The following FBXO47 variants were observed in gnomAD, a reference collection of about 807,000 sequenced individuals.
FBXO47 encodes F-box protein 47.
Under a neutral mutation model 53.9 loss-of-function variants are expected in FBXO47, and 34 were observed. The ratio of observed to expected loss-of-function variants is 0.63; its 90% CI spans 0.48 to 0.84. The LOEUF is 0.84. Ranked by LOEUF, FBXO47 falls within the 40% of genes least tolerant of loss-of-function variation. FBXO47 has a pLI of 0.00. For missense variants in FBXO47, 485 were observed against 541.3 expected (o/e 0.90, Z 1.03); for synonymous variants, 165 against 181.6 (o/e 0.91, Z 0.73).
intron 9 of FBXO47, among the ~76,000 whole-genome samples, chr17:38,941,642 ATATG>A (rs1555560024): frequency 2.1e-5 from 3 of 144,232 alleles, no homozygotes; most frequent in African/African-American, 7.7e-5. Context: ...ATATATATAT[ATATG>A]TATGTGTATA....
rs1567717766 is a variant in FBXO47 at position 38,947,116 on chromosome 17, AT to A, written c.617-1981del. Among the ~76,000 whole-genome samples the A allele has an allele frequency of 1.8e-3, 252 of 141,760 alleles. 1 individual carries two copies. The highest frequency in any genetic ancestry group is 7.1e-3 in the Middle Eastern group (2 of 280). 93.0% of individuals were successfully genotyped at this position (141,760 alleles called of 152,430 possible). On this transcript the variant is annotated intron_variant, in intron 6 of 10. Transcript: ENST00000378079. ...TAAACATATATATAAACATATATAT[AT>A]AAACATATATATAAATATATATATA...
At chr17:38,955,244 C>T (rs1267417055) in intron 4 of FBXO47, among the ~76,000 whole-genome samples, 9 of 151,532 alleles carry the variant, frequency 5.9e-5, no homozygotes, top group Non-Finnish European at 1.5e-5. Flanking sequence ...AAAAATTAGC[C>T]GGGTGTGGTG....
chr17:38,967,031 T>G (rs1417695368), intron 1 of FBXO47, among the ~76,000 whole-genome samples, 198 bp downstream of exon 1: 2 of 151,816 alleles, frequency 1.3e-5, no homozygotes, highest in Middle Eastern at 3.4e-3. Context: ...TGTTTTAACA[T>G]AAAACTCTTG....
chr17:38,961,959 T>A lies in FBXO47; in HGVS notation c.270A>T (p.Arg90Ser). 6.2e-7 allele frequency: 1 copy of A among 1,613,850 alleles called. No individual in the cohort carries two copies. The highest frequency in any genetic ancestry group is 8.5e-7 in the Non-Finnish European group (1 of 1,179,774). Residue 90 changes from arginine (R) to serine (S), a missense_variant, in exon 3 of 11, where the codon AGA (arginine) becomes AGT (serine). Arg to Ser is a moderately radical substitution (Grantham distance 110). Coordinates refer to ENST00000378079, the MANE Select transcript of FBXO47 (RefSeq NM_001008777.3). ...GGTTATGAAAGTCCTGTAGTAAAAG[T>A]CTTTTGCTTCCTGATGAGGTTGAGA... ...NYISTSSGSKRLLLQDFHNLE... is the reference protein window; with the variant it reads ...NYISTSSGSKSLLLQDFHNLE...
intron 1 of FBXO47, among the ~76,000 whole-genome samples, chr17:38,963,787 T>C (rs1198877468): frequency 6.8e-6 from 1 of 147,906 alleles, no homozygotes; most frequent in Non-Finnish European, 1.5e-5. Flanking sequence ...TTGTTGTTGT[T>C]GTTGTTGTTT....
intron 1 of FBXO47, among the ~76,000 whole-genome samples, chr17:38,964,352 T>G (rs912569926): frequency 1.5e-4 from 23 of 152,026 alleles, no homozygotes; most frequent in African/African-American, 4.3e-4. Flanking sequence ...TCCCAGCACT[T>G]TGGGAAGCCA....
intron 4 of FBXO47, among the ~76,000 whole-genome samples, chr17:38,955,584 C>G (rs1252724799): frequency 6.6e-6 from 1 of 151,658 alleles, no homozygotes; most frequent in African/African-American, 2.4e-5. Flanking sequence ...GCTGGAATTA[C>G]AGACACCACC....
chr17:38,937,116 T>C lies in FBXO47; in HGVS notation c.*59A>G. On this transcript the variant is annotated 3_prime_UTR_variant, in exon 11 of 11. Transcript: ENST00000378079. ...GGATGCTATTTTTTGAGTGAAAAAGTAGCACTCCTCTAATCATTCGTTCAG... is the reference window on the plus strand; with the variant it reads ...GGATGCTATTTTTTGAGTGAAAAAGCAGCACTCCTCTAATCATTCGTTCAG... 3.1e-6 allele frequency: 2 copies of C among 654,968 alleles called. No homozygotes were observed. Among genetic ancestry groups the C allele is most frequent in the East Asian group, 5.9e-5 (2 of 33,912 alleles). 40.6% of individuals were successfully genotyped at this position (654,968 alleles called of 1,614,324 possible).
At chr17:38,949,062 A>G (rs1905074370) in intron 6 of FBXO47, among the ~76,000 whole-genome samples, 1 of 151,978 alleles carries the variant, frequency 6.6e-6, no homozygotes, top group South Asian at 2.1e-4. Context: ...TTATCTATTG[A>G]CCCATTGATG....
intron 5 of FBXO47, among the ~76,000 whole-genome samples, chr17:38,954,090 C>T (rs991952283): frequency 2.6e-5 from 4 of 151,848 alleles, no homozygotes; most frequent in South Asian, 4.2e-4. Context: ...GTCAGGAGTT[C>T]GAGACCAGCC....
intron 6 of FBXO47, among the ~76,000 whole-genome samples, chr17:38,946,885 T>C (rs1463549256): frequency 1.8e-5 from 2 of 109,506 alleles, no homozygotes; most frequent in Non-Finnish European, 3.4e-5. Context: ...TATATATAAA[T>C]ATATATATAA....
chr17:38,945,923 G>A (rs1449358237), intron 6 of FBXO47, among the ~76,000 whole-genome samples: 108 of 115,450 alleles, frequency 9.4e-4, no homozygotes, highest in African/African-American at 3.0e-3. Flanking sequence ...GTGACAGAGC[G>A]AGACTCTGGC....
intron 9 of FBXO47, among the ~76,000 whole-genome samples, chr17:38,939,312 AAAAAAAAAAAAAT>A (rs1904387359): frequency 7.7e-6 from 1 of 129,550 alleles, no homozygotes; most frequent in African/African-American, 3.0e-5. Context: ...AAAAAAAAAA[AAAAAAAAAAAAAT>A]ATATATATAT....
At chr17:38,946,313 TAAATATATATAAATATATA>T (rs1904814856) in intron 6 of FBXO47, among the ~76,000 whole-genome samples, 4 of 47,830 alleles carry the variant, frequency 8.4e-5, no homozygotes, top group Non-Finnish European at 1.2e-4. Flanking sequence ...TATAAATATA[TAAATATATATAAATATATA>T]AATATATATA....
At chr17:38,962,116 C>T in intron 2 of FBXO47, 69 bp from the exon 3 acceptor site, 1 of 1,232,218 alleles carries the variant, frequency 8.1e-7, no homozygotes. Flanking sequence ...TTAACACAGT[C>T]TATTAACTTA....
Position 38,959,964 on chromosome 17 carries a change from C to T in FBXO47, c.352+1913G>A, listed in dbSNP as rs190888283. Among the ~76,000 whole-genome samples, 378 of 151,788 alleles carry T rather than the reference C, an allele frequency of 2.5e-3. 1 individual carries two copies. The highest frequency in any genetic ancestry group is 3.5e-3 in the Non-Finnish European group (240 of 67,938). ...TTCAGCTTTCAGCTGGGCCGCCATGCCCAGATAATTTTTTAATTTTTTGTA... is the reference window on the plus strand; with the variant it reads ...TTCAGCTTTCAGCTGGGCCGCCATGTCCAGATAATTTTTTAATTTTTTGTA... On this transcript the variant is annotated intron_variant, in intron 3 of 10. Coordinates refer to ENST00000378079, the MANE Select transcript of FBXO47 (RefSeq NM_001008777.3).
chr17:38,937,693 C>T (rs936257014), intron 10 of FBXO47, among the ~76,000 whole-genome samples: 2 of 151,728 alleles, frequency 1.3e-5, no homozygotes, highest in South Asian at 2.1e-4. Flanking sequence ...TTTGAGACAG[C>T]GTCTCCCTGT....
At chr17:38,962,736 T>A in intron 2 of FBXO47, 109 bp downstream of exon 2, 1 of 664,640 alleles carries the variant, frequency 1.5e-6, no homozygotes, top group Non-Finnish European at 2.4e-6. Context: ...ACACTTAACA[T>A]GAATGTCATT....
At chr17:38,941,599 G>T (rs919044443) in intron 9 of FBXO47, among the ~76,000 whole-genome samples, 1 of 120,574 alleles carries the variant, frequency 8.3e-6, no homozygotes, top group Admixed American at 9.5e-5. Context: ...TGTGTTAAAT[G>T]AATATTAAAT....
Sources: allele counts gnomAD v4.1 joint callset (sites outside exome capture counted in the v4.1 genomes callset), GRCh38; gene constraint gnomAD v4.1.1; transcripts MANE v1.5; gene names NCBI Gene and HGNC (gene_info 2026-07-23, HGNC 2026-07-21).